The following UNC13C variants were observed in gnomAD, a reference collection of about 807,000 sequenced individuals.
The protein encoded by UNC13C is protein unc-13 homolog C.
UNC13C carries 174 observed loss-of-function variants against 245.4 expected under a neutral mutation model. That is an observed-to-expected ratio of 0.71 (90% CI 0.63 to 0.80). UNC13C has a LOEUF of 0.80. UNC13C is among the 30% of genes least tolerant of loss of function. The pLI is 0.00. For missense variants in UNC13C, 2,829 were observed against 2,602.9 expected, an observed-to-expected ratio of 1.09 and a Z score of -1.89; for synonymous variants, 992 against 895.1, an observed-to-expected ratio of 1.11 and a Z score of -1.93.
chr15:54,162,885 T>G (rs1352069339), intron 4 of UNC13C, among the ~76,000 whole-genome samples: 2 of 152,304 alleles, frequency 1.3e-5, no homozygotes, highest in East Asian at 3.9e-4. Context: ...TAAACAGATA[T>G]TGAATAATGC....
At chr15:54,043,138 C>T (rs889310061) in intron 2 of UNC13C, among the ~76,000 whole-genome samples, 3 of 152,104 alleles carry the variant, frequency 2.0e-5, no homozygotes, top group Non-Finnish European at 4.4e-5. Flanking sequence ...TGAAATCATA[C>T]ATTTTTAAAA....
intron 2 of UNC13C, among the ~76,000 whole-genome samples, chr15:54,075,167 T>C (rs988414537): frequency 6.6e-6 from 1 of 152,100 alleles, no homozygotes; most frequent in Non-Finnish European, 1.5e-5. Context: ...TTGGTGCCAA[T>C]GTAATTGCAG....
chr15:54,552,518 AT>A (rs1896815791), intron 28 of UNC13C, among the ~76,000 whole-genome samples: 1 of 37,114 alleles, frequency 2.7e-5, no homozygotes, highest in African/African-American at 1.4e-4. Flanking sequence ...TATATTATAT[AT>A]TATATATAAT....
intron 2 of UNC13C, among the ~76,000 whole-genome samples, chr15:54,076,990 G>T (rs1351855487): frequency 6.6e-6 from 1 of 152,118 alleles, no homozygotes; most frequent in African/African-American, 2.4e-5. Context: ...ACATATTTAT[G>T]TATAAGAAAA....
intron 4 of UNC13C, among the ~76,000 whole-genome samples, chr15:54,159,576 C>T (rs934707559): frequency 2.0e-5 from 3 of 152,168 alleles, no homozygotes; most frequent in African/African-American, 7.2e-5. Context: ...AAACAGGTGT[C>T]CCTGTGGCTA....
intron 30 of UNC13C, among the ~76,000 whole-genome samples, chr15:54,590,875 C>T (rs1045837702): frequency 1.3e-5 from 2 of 152,124 alleles, no homozygotes; most frequent in Non-Finnish European, 2.9e-5. Context: ...TGTTCTAGTT[C>T]TCAGAGGGAA....
At chr15:54,078,101 A>T (rs1021818447) in intron 2 of UNC13C, among the ~76,000 whole-genome samples, 1 of 152,156 alleles carries the variant, frequency 6.6e-6, no homozygotes, top group Admixed American at 6.5e-5. Flanking sequence ...ATTTCACTTG[A>T]TATAATAGCC....
chr15:54,537,837 T>A (rs1896053943), intron 26 of UNC13C, among the ~76,000 whole-genome samples: 1 of 151,708 alleles, frequency 6.6e-6, no homozygotes, highest in Admixed American at 6.6e-5. Context: ...AAAAATCAAC[T>A]CAAGATGGAT....
Position 54,015,085 on chromosome 15 carries a change from A to C in UNC13C, c.2182A>C (p.Asn728His). The C allele has an allele frequency of 6.2e-7, 1 of 1,612,832 alleles. No homozygotes were observed. The highest frequency in any genetic ancestry group is 8.5e-7 in the Non-Finnish European group (1 of 1,179,410). Residue 728 changes from asparagine (N) to histidine (H), a missense_variant, in exon 2 of 33, where the codon AAT (asparagine) becomes CAT (histidine). Coordinates refer to ENST00000260323, the MANE Select transcript of UNC13C (RefSeq NM_001080534.3). ...TTCTTCTCCATGCCCTGGCTTGGAT[A>C]ATGAACCACAAGGCCAGTGGGTTGG... ...DNSSPCPGLD[N>H]EPQGQWVGQY... is the part of the protein sequence containing the mutation.
At chr15:53,846,018 C>G in the UNC13C span, among the ~76,000 whole-genome samples, 1 of 151,994 alleles carries the variant, frequency 6.6e-6, no homozygotes, top group Non-Finnish European at 1.5e-5. Context: ...GTACAGTATT[C>G]AATAAATTAC....
At chr15:54,209,600 G>A (rs138355495) in intron 4 of UNC13C, among the ~76,000 whole-genome samples, 2,119 of 152,024 alleles carry the variant, frequency 0.014, 29 homozygotes, top group Non-Finnish European at 0.017. Flanking sequence ...TTTTTGTAGA[G>A]ACAGGATTTT....
chr15:54,229,125 A>G (rs2035478199), intron 4 of UNC13C, among the ~76,000 whole-genome samples: 1 of 152,168 alleles, frequency 6.6e-6, no homozygotes, highest in South Asian at 2.1e-4. Flanking sequence ...GTGACAGGAC[A>G]GCATTGAGTT....
intron 17 of UNC13C, among the ~76,000 whole-genome samples, chr15:54,389,902 C>A (rs1043458066): frequency 5.9e-5 from 9 of 151,958 alleles, no homozygotes; most frequent in African/African-American, 2.2e-4. Flanking sequence ...CTAGTTTCTG[C>A]ATTTTTAGTA....
At chr15:54,526,058 A>C (rs2141139346) in intron 25 of UNC13C, among the ~76,000 whole-genome samples, 1 of 152,334 alleles carries the variant, frequency 6.6e-6, no homozygotes, top group East Asian at 1.9e-4. Flanking sequence ...CATGCATATC[A>C]GTGTGGTTGC....
chr15:54,014,539 C>T lies in UNC13C; in HGVS notation c.1636C>T (p.Leu546Phe). ...HSQSDFFTAK[L>F]SRSESDFSKL... is the part of the protein sequence containing the mutation. ...ACAGAGTGATTTTTTCACTGCTAAA[C>T]TTAGTCGTTCTGAATCAGATTTTTC... Residue 546 changes from leucine (L) to phenylalanine (F), a missense_variant, in exon 2 of 33, where the codon CTT (leucine) becomes TTT (phenylalanine). Coordinates refer to ENST00000260323, the MANE Select transcript of UNC13C (RefSeq NM_001080534.3). 4 of 1,613,834 alleles carry T rather than the reference C, an allele frequency of 2.5e-6. No individual in the cohort carries two copies. The highest frequency in any genetic ancestry group is 3.4e-6 in the Non-Finnish European group (4 of 1,179,842).
At chr15:54,388,381 A>G (rs1011026296) in intron 17 of UNC13C, among the ~76,000 whole-genome samples, 1 of 152,150 alleles carries the variant, frequency 6.6e-6, no homozygotes, top group African/African-American at 2.4e-5. Flanking sequence ...GCGTAGTGTC[A>G]CTACAAGTTC....
chr15:53,928,614 A>T, the UNC13C span, among the ~76,000 whole-genome samples: 4 of 151,894 alleles, frequency 2.6e-5, no homozygotes, highest in East Asian at 5.8e-4. Context: ...TTCTATTTAG[A>T]CTCTCCTGGA....
At chr15:54,181,989 G>C (rs1423313756) in intron 4 of UNC13C, among the ~76,000 whole-genome samples, 1 of 151,884 alleles carries the variant, frequency 6.6e-6, no homozygotes, top group East Asian at 1.9e-4. Context: ...AAGAGAGATA[G>C]TTTGAGTTCT....
chr15:54,486,445 A>G (rs143660200), intron 19 of UNC13C, among the ~76,000 whole-genome samples: 4,447 of 151,636 alleles, frequency 0.029, 170 homozygotes, highest in Admixed American at 0.12. Flanking sequence ...TCTCAAAGAA[A>G]AAAAAAAAAA....
Sources: gnomAD v4.1 joint callset for allele counts (sites outside exome capture counted in the v4.1 genomes callset) on GRCh38, gnomAD v4.1.1 for gene constraint, MANE v1.5 for transcripts, NCBI Gene and HGNC (gene_info 2026-07-23, HGNC 2026-07-21) for gene names.